Variants in PXDN observed in about 807,000 individuals in gnomAD.
PXDN encodes peroxidasin.
Under a neutral mutation model 140.3 loss-of-function variants are expected in PXDN, and 77 were observed. The observed-to-expected ratio is 0.55, with a 90% CI of 0.46 to 0.66. PXDN has a LOEUF of 0.66. PXDN is among the 30% of genes least tolerant of loss of function. The pLI, the probability that PXDN is intolerant of heterozygous loss-of-function variation, is 0.00. For missense variants in PXDN, 1,838 were observed against 2,039.5 expected (o/e 0.90, Z 1.90); for synonymous variants, 911 against 857.4 (o/e 1.06, Z -1.09).
intron 1 of PXDN, among the ~76,000 whole-genome samples, chr2:1,723,133 G>A (rs1685092168): frequency 6.6e-6 from 1 of 150,974 alleles, no homozygotes; most frequent in Non-Finnish European, 1.5e-5. Context: ...CTAATGAATG[G>A]ATACATTGAT....
intron 15 of PXDN, 41 bp from the exon 16 acceptor site, chr2:1,653,826 A>C: frequency 6.7e-7 from 1 of 1,494,310 alleles, no homozygotes. Flanking sequence ...AATGAAACAA[A>C]TTACTGAAGA....
At chr2:1,718,879 C>T (rs1202547661) in intron 1 of PXDN, among the ~76,000 whole-genome samples, 2 of 152,258 alleles carry the variant, frequency 1.3e-5, no homozygotes, top group African/African-American at 2.4e-5. Flanking sequence ...CAGCTCCCAG[C>T]ACCTGCCACC....
chr2:1,640,740 C>T (rs944734984), intron 19 of PXDN, among the ~76,000 whole-genome samples: 5 of 152,226 alleles, frequency 3.3e-5, no homozygotes, highest in Non-Finnish European at 7.3e-5. Context: ...CCCAGCAACA[C>T]CTGGGGTCAA....
At chr2:1,645,765 G>A (rs1682837706) in intron 17 of PXDN, among the ~76,000 whole-genome samples, 1 of 152,186 alleles carries the variant, frequency 6.6e-6, no homozygotes, top group East Asian at 1.9e-4. Flanking sequence ...CTGTGGCTGA[G>A]GACAGCACAC....
chr2:1,709,803 TTC>T (rs1391012250), intron 1 of PXDN, among the ~76,000 whole-genome samples: 2 of 152,184 alleles, frequency 1.3e-5, no homozygotes, highest in Non-Finnish European at 2.9e-5. Context: ...GAGAGCGTGT[TTC>T]TCTTTCTCCA....
intron 9 of PXDN, among the ~76,000 whole-genome samples, chr2:1,673,281 A>C (rs1305689789): frequency 2.0e-5 from 3 of 152,144 alleles, no homozygotes; most frequent in Admixed American, 6.5e-5. Flanking sequence ...CCTCGTTACC[A>C]CATGGCAACA....
chr2:1,649,059 G>A lies in PXDN; in HGVS notation c.2721C>T (p.Thr907=), dbSNP rs1387663297. The A allele has an allele frequency of 1.9e-6, 3 of 1,612,534 alleles. No individual in the cohort carries two copies. The highest frequency in any genetic ancestry group is 1.7e-5 in the Admixed American group (1 of 60,012). Residue 907 remains threonine, a synonymous_variant, in exon 17 of 23, where the codon ACC becomes ACT. Transcript: ENST00000252804. This position sits in a 1 kb window ranked among gnomAD's most constrained non-coding sequence, Gnocchi z 7.1. ...ACACGTTGGATGCGTCTATGTAGGA[G>A]GTGAGCTGGTTGATCTGCTCCCGCG... is the stretch of plus-strand genomic sequence containing the variant. ...VYPREQINQL[T]SYIDASNVYG...
chr2:1,680,384 C>A (rs575086797), intron 6 of PXDN, 22 bp from the exon 7 acceptor site: 3 of 1,613,492 alleles, frequency 1.9e-6, no homozygotes, highest in Admixed American at 1.7e-5. Context: ...AAGATGCAGC[C>A]GGTGAGACAT....
chr2:1,706,322 G>A (rs1376918747), intron 1 of PXDN, among the ~76,000 whole-genome samples: 1 of 152,180 alleles, frequency 6.6e-6, no homozygotes. Context: ...GTCCTCCAGG[G>A]AGCAAGTGCA....
chr2:1,710,766 ACCAGCACCCAC>A, intron 1 of PXDN, among the ~76,000 whole-genome samples: 1 of 33,832 alleles, frequency 3.0e-5, no homozygotes, highest in Admixed American at 4.0e-4. Flanking sequence ...CACCCACTCC[ACCAGCACCCAC>A]TCTCCACCAG....
chr2:1,648,346 G>A lies in PXDN; in HGVS notation c.3434C>T (p.Ser1145Phe), dbSNP rs1158299236. Residue 1145 changes from serine to phenylalanine, a missense_variant, in exon 17 of 23, where the codon TCC becomes TTC. Transcript: ENST00000252804. This position sits in a 1 kb window ranked among gnomAD's most constrained non-coding sequence, Gnocchi z 8.9. ...GTCCAGAGCCACCGTGTGTGCCATGGAGAACAGCCGCTCCGTGAGCTCCGT... is the reference window on the plus strand; with the variant it reads ...GTCCAGAGCCACCGTGTGTGCCATGAAGAACAGCCGCTCCGTGAGCTCCGT... The part of the protein sequence containing the change: ...LNTELTERLF[S>F]MAHTVALDLA... 1.2e-6 allele frequency: 2 copies of A among 1,613,684 alleles called. No individual in the cohort carries two copies. Among genetic ancestry groups the A allele is most frequent in the Non-Finnish European group, 1.7e-6 (2 of 1,179,898 alleles).
chr2:1,666,151 G>A lies in PXDN; in HGVS notation c.1291+63C>T, dbSNP rs113692127. ...GGAGCGTCTGTGGGTATGGCAGCGC[G>A]AGCTAGTGGAGGGGTGAGGATGGGG... is the stretch of plus-strand genomic sequence containing the variant. On this transcript the variant is annotated intron_variant, in intron 10 of 22. Coordinates refer to ENST00000252804, the MANE Select transcript of PXDN (RefSeq NM_012293.3). 64 of 1,584,868 alleles carry A rather than the reference G, an allele frequency of 4.0e-5. 1 individual carries two copies. The highest frequency in any genetic ancestry group is 1.3e-4 in the African/African-American group (10 of 74,578).
intron 1 of PXDN, among the ~76,000 whole-genome samples, chr2:1,724,075 C>T (rs969439392): frequency 3.9e-5 from 6 of 152,212 alleles, no homozygotes; most frequent in African/African-American, 1.4e-4. Flanking sequence ...AGATAAACTG[C>T]AGCCTTTGTT....
At chr2:1,704,905 C>T (rs577132736) in intron 1 of PXDN, among the ~76,000 whole-genome samples, 1 of 152,200 alleles carries the variant, frequency 6.6e-6, no homozygotes, top group South Asian at 2.1e-4. Context: ...TCTTTTCATA[C>T]AAGTCTTGGG....
intron 21 of PXDN, chr2:1,636,186 C>T (rs976328310): frequency 9.6e-5 from 11 of 114,352 alleles, no homozygotes; most frequent in African/African-American, 3.2e-4. Context: ...AGTAAACTCG[C>T]ACCTCATTAA....
chr2:1,658,547 G>A (rs1189390749), intron 14 of PXDN, among the ~76,000 whole-genome samples: 1 of 151,840 alleles, frequency 6.6e-6, no homozygotes, highest in Admixed American at 6.6e-5. Context: ...CTCCCACTTG[G>A]CCCAGCACCC....
chr2:1,731,412 T>C (rs1685312686), intron 1 of PXDN, among the ~76,000 whole-genome samples: 1 of 152,092 alleles, frequency 6.6e-6, no homozygotes, highest in African/African-American at 2.4e-5. Context: ...TCCAGTGCGC[T>C]GGGAGCAGAA....
chr2:1,718,933 C>T (rs144497895), intron 1 of PXDN, among the ~76,000 whole-genome samples: 12 of 152,364 alleles, frequency 7.9e-5, no homozygotes, highest in Admixed American at 2.0e-4. Context: ...TTCTTATGGC[C>T]GTGGAGGAAG....
At chr2:1,666,513 A>G (rs1192047384) in intron 9 of PXDN, 27 bp from the exon 10 acceptor site, 1 of 1,568,420 alleles carries the variant, frequency 6.4e-7, no homozygotes, top group Non-Finnish European at 8.7e-7. Flanking sequence ...GAAATTCTCA[A>G]TTAATTTCTC....
Sources: allele counts gnomAD v4.1 joint callset (sites outside exome capture counted in the v4.1 genomes callset), GRCh38; gene constraint gnomAD v4.1.1; non-coding constraint Gnocchi (gnomAD v3.1); transcripts MANE v1.5; gene names NCBI Gene and HGNC (gene_info 2026-07-23, HGNC 2026-07-21).